PARD3B: variants seen among roughly 807,000 people sequenced by gnomAD.
The protein encoded by PARD3B is partitioning defective 3 homolog B.
PARD3B carries 103 observed loss-of-function variants against 130.2 expected under a neutral mutation model. The observed-to-expected ratio is 0.79, with a 90% CI of 0.67 to 0.93. The LOEUF (loss-of-function observed/expected upper bound fraction) is 0.93. PARD3B is among the 40% of genes least tolerant of loss of function. The pLI, the probability that PARD3B is intolerant of heterozygous loss-of-function variation, is 0.00. For synonymous variants in PARD3B, 583 were observed against 553.2 expected (o/e 1.05, Z -0.76); for missense variants, 1,609 against 1,499.2 (o/e 1.07, Z -1.21).
At chr2:205,551,078 TATC>T (rs2052624687) in intron 21 of PARD3B, among the ~76,000 whole-genome samples, 1 of 150,654 alleles carries the variant, frequency 6.6e-6, no homozygotes, top group African/African-American at 2.4e-5. Flanking sequence ...TGACTGCTAT[TATC>T]ATTATGCCAG....
intron 4 of PARD3B, among the ~76,000 whole-genome samples, chr2:205,054,312 C>T (rs907011796): frequency 9.5e-5 from 14 of 147,152 alleles, no homozygotes; most frequent in Non-Finnish European, 1.9e-4. Context: ...GATTTTTCTT[C>T]TTGGGTCTTA....
At chr2:205,365,568 A>G (rs992225315) in intron 18 of PARD3B, among the ~76,000 whole-genome samples, 1 of 11,198 alleles carries the variant, frequency 8.9e-5, no homozygotes, top group Non-Finnish European at 1.8e-4. Context: ...TTTTTTTTCT[A>G]ATCTACAGGA....
At chr2:204,905,161 A>G (rs1219503698) in intron 2 of PARD3B, among the ~76,000 whole-genome samples, 2 of 152,242 alleles carry the variant, frequency 1.3e-5, no homozygotes, top group South Asian at 2.1e-4. Context: ...AATATATAGC[A>G]GTACTTAAGT....
At position 205,176,989 on chromosome 2, in the gene PARD3B, G is replaced by C. The variant is rs373135792; in HGVS notation, c.1924+412G>C. Among the ~76,000 whole-genome samples the C allele has an allele frequency of 1.8e-4, 28 of 152,242 alleles. No homozygotes were observed. Among genetic ancestry groups the C allele is most frequent in the African/African-American group, 6.0e-4 (25 of 41,554 alleles). ...ATAGCGTGATTCACAGATGATCCTC[G>C]ATTCTAATATGAGTATGATAAATGG... On this transcript the variant is annotated intron_variant, in intron 13 of 22. Coordinates refer to ENST00000406610, the MANE Select transcript of PARD3B (RefSeq NM_001302769.2). The surrounding 1 kb of genome is among the most constrained non-coding windows in gnomAD (Gnocchi z 5.3).
intron 2 of PARD3B, among the ~76,000 whole-genome samples, chr2:204,764,309 T>C (rs913830498): frequency 6.6e-6 from 1 of 152,188 alleles, no homozygotes. Context: ...ACTGCTTTGT[T>C]TCCTTTAAGG....
chr2:205,283,814 T>G (rs2041282826), intron 16 of PARD3B, among the ~76,000 whole-genome samples: 2 of 152,232 alleles, frequency 1.3e-5, no homozygotes, highest in Non-Finnish European at 2.9e-5. Context: ...CAGCTTTTAC[T>G]GTACCAGACA....
rs2047922534 is a variant in PARD3B, at chr2:205,446,811, A to G, written c.3044+6139A>G. 6.6e-6 allele frequency among the ~76,000 whole-genome samples: 1 copy of G among 152,122 alleles called. No individual in the cohort carries two copies. The highest frequency in any genetic ancestry group is 1.5e-5 in the Non-Finnish European group (1 of 68,020). On this transcript the variant is annotated intron_variant, in intron 20 of 22. Coordinates refer to ENST00000406610, the MANE Select transcript of PARD3B (RefSeq NM_001302769.2). This position sits in a 1 kb window ranked among gnomAD's most constrained non-coding sequence, Gnocchi z 4.4. ...AGCCTGACAATTACTCAGGTTTACA[A>G]TGTGTTAGTTTTCCACCGCAATGCC...
At chr2:204,603,766 A>G (rs1188947294) in intron 1 of PARD3B, among the ~76,000 whole-genome samples, 1 of 152,146 alleles carries the variant, frequency 6.6e-6, no homozygotes, top group East Asian at 1.9e-4. Context: ...AACCCAACAG[A>G]ACCATTGGAA....
chr2:205,404,201 T>A (rs2046346206), intron 19 of PARD3B, among the ~76,000 whole-genome samples: 1 of 152,210 alleles, frequency 6.6e-6, no homozygotes, highest in Non-Finnish European at 1.5e-5. Flanking sequence ...ATTGAAAATA[T>A]TTAGAAAAGA....
chr2:205,185,731 C>A (rs773724044), intron 13 of PARD3B, 33 bp from the exon 14 acceptor site: 1 of 1,590,594 alleles, frequency 6.3e-7, no homozygotes, highest in Middle Eastern at 1.7e-4. Flanking sequence ...TCTGCTTCCA[C>A]TTTATACAGC....
At position 205,015,383 on chromosome 2, in the gene PARD3B, G is replaced by T. The variant is rs1157326614; in HGVS notation, c.395-32198G>T. On this transcript the variant is annotated intron_variant, in intron 3 of 22. Coordinates refer to ENST00000406610, the MANE Select transcript of PARD3B (RefSeq NM_001302769.2). The surrounding 1 kb of genome is among the most constrained non-coding windows in gnomAD (Gnocchi z 4.5). ...GTGGCAGAGGTGAAAGAAAATCCAT[G>T]TATAAGTGAACCTGCGCAGCTCGAA... is the stretch of plus-strand genomic sequence containing the variant. 6.6e-6 allele frequency among the ~76,000 whole-genome samples: 1 copy of T among 152,156 alleles called. No homozygotes were observed. The highest frequency in any genetic ancestry group is 1.5e-5 in the Non-Finnish European group (1 of 68,028).
intron 2 of PARD3B, among the ~76,000 whole-genome samples, chr2:204,795,056 T>C (rs1245040981): frequency 2.6e-5 from 4 of 152,338 alleles, no homozygotes; most frequent in African/African-American, 9.6e-5. Flanking sequence ...GATAGAAATA[T>C]TCAAAATGTA....
chr2:205,464,900 T>C (rs1254735349), intron 20 of PARD3B, among the ~76,000 whole-genome samples: 1 of 152,146 alleles, frequency 6.6e-6, no homozygotes, highest in Non-Finnish European at 1.5e-5. Context: ...AAAACACCCA[T>C]GAGACCCCTC....
At chr2:205,132,041 C>G (rs1229896405) in intron 10 of PARD3B, among the ~76,000 whole-genome samples, 1 of 152,018 alleles carries the variant, frequency 6.6e-6, no homozygotes, top group African/African-American at 2.4e-5. Context: ...TAGTGTCTAC[C>G]CAAGAGACTA....
At chr2:204,574,176 A>G (rs1048244538) in intron 1 of PARD3B, among the ~76,000 whole-genome samples, 1 of 152,218 alleles carries the variant, frequency 6.6e-6, no homozygotes, top group African/African-American at 2.4e-5. Context: ...TTTAAGAACC[A>G]TGATATCAGA....
chr2:204,745,219 C>G (rs1014453893), intron 2 of PARD3B, among the ~76,000 whole-genome samples: 5 of 152,042 alleles, frequency 3.3e-5, no homozygotes, highest in Admixed American at 2.6e-4. Context: ...TGGCTTTTCC[C>G]GTGGTAGCAT....
rs1175387804 is a variant in PARD3B at position 205,287,085 on chromosome 2, G to C, written c.2186-13445G>C. ...ACTGGAACATGCCTGTCTATAAGCT[G>C]GTGTCAGACACACTTCTCACTGGTG... On this transcript the variant is annotated intron_variant, in intron 16 of 22. Transcript: ENST00000406610. The surrounding 1 kb of genome is among the most constrained non-coding windows in gnomAD (Gnocchi z 4.8). Among the ~76,000 whole-genome samples the C allele has an allele frequency of 6.6e-6, 1 of 152,094 alleles. No individual in the cohort carries two copies. The highest frequency in any genetic ancestry group is 2.4e-5 in the African/African-American group (1 of 41,416).
chr2:204,920,090 A>G (rs769816751), intron 2 of PARD3B, among the ~76,000 whole-genome samples: 21 of 152,198 alleles, frequency 1.4e-4, no homozygotes, highest in Non-Finnish European at 2.2e-4. Context: ...GTAAAGAACA[A>G]TTACGGTGTT....
intron 18 of PARD3B, among the ~76,000 whole-genome samples, chr2:205,371,514 G>T (rs1050265705): frequency 5.9e-5 from 9 of 152,168 alleles, no homozygotes; most frequent in African/African-American, 1.7e-4. Context: ...TAGGAAGTGG[G>T]CATCAGAGGC....
Sources: gnomAD v4.1 joint callset for allele counts (sites outside exome capture counted in the v4.1 genomes callset) on GRCh38, gnomAD v4.1.1 for gene constraint, Gnocchi (gnomAD v3.1) non-coding constraint, MANE v1.5 for transcripts, NCBI Gene and HGNC (gene_info 2026-07-23, HGNC 2026-07-21) for gene names.